The following PDE4D variants were observed in gnomAD, a reference collection of about 807,000 sequenced individuals.
The protein encoded by PDE4D is phosphodiesterase 4D, also known as 3',5'-cyclic-AMP phosphodiesterase 4D.
A neutral mutation model predicts 87.4 loss-of-function variants in PDE4D; 24 were observed. The observed-to-expected ratio is 0.27, with a 90% CI of 0.20 to 0.39. The LOEUF is 0.39. PDE4D is among the 10% of genes least tolerant of loss of function. The pLI, the probability that PDE4D is intolerant of heterozygous loss-of-function variation, is 1.00. For synonymous variants in PDE4D, 384 were observed against 383.2 expected (o/e 1.00, Z -0.02); for missense variants, 714 against 1,041.0 (o/e 0.69, Z 4.32).
chr5:60,054,554 T>G (rs985775061), intron 2 of PDE4D, among the ~76,000 whole-genome samples: 1 of 151,910 alleles, frequency 6.6e-6, no homozygotes, highest in African/African-American at 2.4e-5. Flanking sequence ...AGGGGAGGGA[T>G]AGCATTAGGA....
At chr5:59,630,415 T>C (rs1026922915) in intron 1 of PDE4D, among the ~76,000 whole-genome samples, 4 of 152,166 alleles carry the variant, frequency 2.6e-5, no homozygotes, top group Admixed American at 2.0e-4. Flanking sequence ...AATACAAGCA[T>C]GTTTATAGAC....
intron 2 of PDE4D, among the ~76,000 whole-genome samples, chr5:60,005,922 T>C (rs1764430944): frequency 6.6e-6 from 1 of 151,956 alleles, no homozygotes. Context: ...CTGTTAACCT[T>C]AGTTGCTACC....
intron 1 of PDE4D, among the ~76,000 whole-genome samples, chr5:60,186,954 C>T (rs570776279): frequency 6.6e-6 from 1 of 152,202 alleles, no homozygotes; most frequent in Admixed American, 6.5e-5. Context: ...CTCAAGTCTT[C>T]TCAAAATAAA....
intron 1 of PDE4D, among the ~76,000 whole-genome samples, chr5:60,293,481 T>C (rs1277766853): frequency 6.6e-6 from 1 of 152,100 alleles, no homozygotes; most frequent in Non-Finnish European, 1.5e-5. Context: ...GCCACTGCAC[T>C]CCAGCCTGGG....
chr5:59,469,966 G>C (rs1231440799), intron 1 of PDE4D, among the ~76,000 whole-genome samples: 1 of 152,062 alleles, frequency 6.6e-6, no homozygotes, highest in Non-Finnish European at 1.5e-5. Context: ...CGCCAGAAAG[G>C]CATTGGGCGA....
chr5:59,658,037 G>T (rs997684862), intron 1 of PDE4D, among the ~76,000 whole-genome samples: 1 of 152,112 alleles, frequency 6.6e-6, no homozygotes, highest in African/African-American at 2.4e-5. Flanking sequence ...AGGGAAAACT[G>T]AAATAATCCT....
At chr5:59,323,766 C>T (rs964442935) in intron 1 of PDE4D, among the ~76,000 whole-genome samples, 1 of 151,278 alleles carries the variant, frequency 6.6e-6, no homozygotes, top group African/African-American at 2.4e-5. Context: ...AATCCAATTT[C>T]CCACAGCAGC....
intron 1 of PDE4D, among the ~76,000 whole-genome samples, chr5:60,352,790 A>C (rs1759312081): frequency 6.6e-6 from 1 of 152,314 alleles, no homozygotes; most frequent in Middle Eastern, 3.4e-3. Flanking sequence ...CATTGATTAG[A>C]GGGAAAATAT....
chr5:60,328,824 G>A (rs988332611), intron 1 of PDE4D, among the ~76,000 whole-genome samples: 3 of 152,118 alleles, frequency 2.0e-5, no homozygotes, highest in South Asian at 4.1e-4. Context: ...TGCAAAAAGC[G>A]CACCCTAATC....
At chr5:59,771,479 AAGAAAGAGAGAG>A (rs1232768720) in intron 1 of PDE4D, among the ~76,000 whole-genome samples, 1 of 68,406 alleles carries the variant, frequency 1.5e-5, no homozygotes, top group Admixed American at 1.5e-4. Flanking sequence ...GAAAGAAAGA[AAGAAAGAGAGAG>A]AGAGAGAGAA....
intron 2 of PDE4D, among the ~76,000 whole-genome samples, chr5:60,180,506 C>T (rs910684426): frequency 9.9e-5 from 15 of 152,004 alleles, no homozygotes; most frequent in African/African-American, 3.6e-4. Context: ...AAATGGGATA[C>T]AGTTAGGTGA....
chr5:59,110,793 G>C (rs938394545), intron 5 of PDE4D, among the ~76,000 whole-genome samples: 57 of 152,262 alleles, frequency 3.7e-4, no homozygotes, highest in African/African-American at 1.3e-3. Context: ...GATCGCTTGA[G>C]TCCAGGAGGC....
At chr5:59,064,713 G>A (rs1392705606) in intron 5 of PDE4D, among the ~76,000 whole-genome samples, 1 of 152,060 alleles carries the variant, frequency 6.6e-6, no homozygotes, top group Non-Finnish European at 1.5e-5. Flanking sequence ...TTTTAAAAAT[G>A]TATTTAGAGT....
chr5:60,354,945 G>A (rs1361512209), intron 1 of PDE4D, among the ~76,000 whole-genome samples: 2 of 152,172 alleles, frequency 1.3e-5, no homozygotes, highest in Non-Finnish European at 2.9e-5. Context: ...AATCATGTGA[G>A]AAGGCAGTGC....
intron 2 of PDE4D, among the ~76,000 whole-genome samples, chr5:60,060,107 T>C (rs1382899108): frequency 6.6e-6 from 1 of 152,078 alleles, no homozygotes; most frequent in Non-Finnish European, 1.5e-5. Context: ...AGAAAATTCA[T>C]AAATACTCTA....
chr5:59,294,221 A>G (rs573663011), intron 1 of PDE4D, among the ~76,000 whole-genome samples: 4 of 152,188 alleles, frequency 2.6e-5, no homozygotes, highest in Admixed American at 6.5e-5. Context: ...GAATCATTTA[A>G]GGGAATGAAG....
intron 5 of PDE4D, among the ~76,000 whole-genome samples, chr5:59,170,549 T>C (rs907389623): frequency 1.3e-5 from 2 of 152,202 alleles, no homozygotes; most frequent in Non-Finnish European, 2.9e-5. Flanking sequence ...TGTTTGTCAC[T>C]AGATTCAATG....
intron 2 of PDE4D, among the ~76,000 whole-genome samples, chr5:60,139,021 T>A (rs1454066450): frequency 6.6e-6 from 1 of 152,046 alleles, no homozygotes; most frequent in African/African-American, 2.4e-5. Context: ...AATCTCTCCA[T>A]CCTGGTACAA....
chr5:59,590,538 C>T (rs1292314387), intron 1 of PDE4D, among the ~76,000 whole-genome samples: 1 of 152,070 alleles, frequency 6.6e-6, no homozygotes, highest in African/African-American at 2.4e-5. Flanking sequence ...TCAGGAGTAA[C>T]CATAAAAGAT....
Sources: gnomAD v4.1 joint callset for allele counts (sites outside exome capture counted in the v4.1 genomes callset) on GRCh38, gnomAD v4.1.1 for gene constraint, MANE v1.5 for transcripts, NCBI Gene and HGNC (gene_info 2026-07-23, HGNC 2026-07-21) for gene names.